Variants in SMAD3 observed in about 807,000 individuals in gnomAD.
SMAD3 encodes SMAD family member 3.
In SMAD3, 12 loss-of-function variants were observed where a neutral mutation model predicts 51.8. The observed-to-expected ratio is 0.23, with a 90% CI of 0.15 to 0.38. The LOEUF (loss-of-function observed/expected upper bound fraction) is 0.38. SMAD3 is among the 10% of genes least tolerant of loss of function. The pLI, the probability that SMAD3 is intolerant of heterozygous loss-of-function variation, is 1.00. For missense variants in SMAD3, 294 were observed against 565.6 expected (o/e 0.52, Z 4.87); for synonymous variants, 238 against 227.7 (o/e 1.05, Z -0.41).
intron 1 of SMAD3, among the ~76,000 whole-genome samples, chr15:67,097,151 T>C (rs773319718): frequency 1.9e-4 from 29 of 152,214 alleles, no homozygotes; most frequent in Non-Finnish European, 3.7e-4. Flanking sequence ...ACTTGGAGGC[T>C]GAATTCTTGG....
At chr15:67,179,834 C>T (rs1403559418) in intron 5 of SMAD3, among the ~76,000 whole-genome samples, 2 of 151,986 alleles carry the variant, frequency 1.3e-5, no homozygotes, top group Non-Finnish European at 1.5e-5. Context: ...GGGAGCGTCT[C>T]CTGTTCCTCC....
rs2140323612 is a variant in SMAD3, at chr15:67,187,442, G to A, written c.1087G>A (p.Val363Ile). 1.2e-6 allele frequency: 2 copies of A among 1,614,182 alleles called. No homozygotes were observed. Among genetic ancestry groups the A allele is most frequent in the Non-Finnish European group, 1.7e-6 (2 of 1,180,012 alleles). ...AQSVNQGFEAVYQLTRMCTIR... is the reference protein window; with the variant it reads ...AQSVNQGFEAIYQLTRMCTIR... The stretch of plus-strand genomic sequence containing the variant: ...GTCGGTCAACCAGGGCTTTGAGGCT[G>A]TCTACCAGTTGACCCGAATGTGCAC... The change falls in exon 8 of 9, where the codon GTC becomes ATC. Residue 363 changes from valine to isoleucine, a missense_variant. Coordinates refer to ENST00000327367, the MANE Select transcript of SMAD3 (RefSeq NM_005902.4).
rs1443339510 is a variant in SMAD3 at position 67,066,246 on chromosome 15, G to C, written c.92G>C (p.Cys31Ser). The C allele has an allele frequency of 5.0e-6, 8 of 1,613,650 alleles. No individual in the cohort carries two copies. Among genetic ancestry groups the C allele is most frequent in the Admixed American group, 1.7e-5 (1 of 59,980 alleles). Residue 31 changes from cysteine (C) to serine (S), a missense_variant, in exon 1 of 9, where the codon TGC (cysteine) becomes TCC (serine). Transcript: ENST00000327367. ...CAGAACGGGCAGGAGGAGAAATGGT[G>C]CGAGAAGGCGGTCAAGAGCCTGGTC... Reference protein sequence around the residue: ...GEQNGQEEKWCEKAVKSLVKK... With the variant: ...GEQNGQEEKWSEKAVKSLVKK...
chr15:67,105,770 C>G (rs576437320), intron 1 of SMAD3, among the ~76,000 whole-genome samples: 6 of 152,306 alleles, frequency 3.9e-5, no homozygotes, highest in Admixed American at 2.0e-4. Flanking sequence ...CCTGAAGCAA[C>G]GCAGGGCCTG....
At chr15:67,088,471 C>T (rs1216113326) in intron 1 of SMAD3, among the ~76,000 whole-genome samples, 1 of 152,180 alleles carries the variant, frequency 6.6e-6, no homozygotes, top group Non-Finnish European at 1.5e-5. Context: ...TGGGAGAAAA[C>T]CTCACAAATG....
rs748990258 is a variant in SMAD3, at chr15:67,066,256, G to T, written c.102G>T (p.Ala34=). 26 of 1,613,622 alleles carry T rather than the reference G, an allele frequency of 1.6e-5. No individual in the cohort carries two copies. Among genetic ancestry groups the T allele is most frequent in the Middle Eastern group, 1.6e-4 (1 of 6,078 alleles). ...AGGAGGAGAAATGGTGCGAGAAGGC[G>T]GTCAAGAGCCTGGTCAAGAAACTCA... The part of the protein sequence containing the change: ...NGQEEKWCEK[A]VKSLVKKLKK... The change falls in exon 1 of 9, where the codon GCG becomes GCT. Residue 34 remains alanine (A), a synonymous_variant. Coordinates refer to ENST00000327367, the MANE Select transcript of SMAD3 (RefSeq NM_005902.4).
intron 1 of SMAD3, chr15:67,125,869 C>G: frequency 1.0e-6 from 1 of 985,416 alleles, no homozygotes; most frequent in East Asian, 1.1e-4. Context: ...TTATTGCCGC[C>G]GCTCGCTTCA....
intron 1 of SMAD3, among the ~76,000 whole-genome samples, chr15:67,071,653 T>C (rs574363893): frequency 7.2e-5 from 11 of 151,978 alleles, no homozygotes; most frequent in Non-Finnish European, 1.3e-4. Flanking sequence ...CTACTAAAAA[T>C]ACAAAAAAAT....
At position 67,190,854 on chromosome 15, in the gene SMAD3, G is replaced by A. The variant is rs79368607; in HGVS notation, c.*318G>A. 348 of 434,526 alleles carry A rather than the reference G, an allele frequency of 8.0e-4. 5 individuals carry two copies. The East Asian group carries it at 0.011, about 14-fold the overall frequency. The allele number at this position is 434,526 out of a possible 1,614,324, so 26.9% of individuals were successfully genotyped here. On this transcript the variant is annotated 3_prime_UTR_variant, in exon 9 of 9. Coordinates refer to ENST00000327367, the MANE Select transcript of SMAD3 (RefSeq NM_005902.4). ...CCCCCTCCCCCCAGACTCTTTTTTT[G>A]AGTGACAGCTTTCTGGGATGTCACA... is the stretch of plus-strand genomic sequence containing the variant.
In SMAD3 at chr15:67,118,130, A is replaced by G. The variant is rs116651037; in HGVS notation, c.207-46765A>G. 9.2e-3 allele frequency among the ~76,000 whole-genome samples: 1,406 copies of G among 152,314 alleles called. 23 individuals are homozygous for G. Among genetic ancestry groups the G allele is most frequent in the African/African-American group, 0.032 (1,337 of 41,566 alleles). ...GAGAGAGTCTGAAATTCATTCTTTC[A>G]ACATGCTTGTGTTGGGTGCTGCCTG... On this transcript the variant is annotated intron_variant, in intron 1 of 8. Transcript: ENST00000327367.
At chr15:67,152,538 A>G (rs928287542) in intron 1 of SMAD3, among the ~76,000 whole-genome samples, 7 of 152,172 alleles carry the variant, frequency 4.6e-5, no homozygotes, top group Non-Finnish European at 7.4e-5. Flanking sequence ...ATGAAAGCTG[A>G]GGTGAAGTCC....
chr15:67,118,657 C>T (rs899730353), intron 1 of SMAD3, among the ~76,000 whole-genome samples: 5 of 152,192 alleles, frequency 3.3e-5, no homozygotes, highest in African/African-American at 1.2e-4. Flanking sequence ...TTTAAAATAG[C>T]TAGGTAAGGC....
At chr15:67,158,943 C>G (rs1487867773) in intron 1 of SMAD3, among the ~76,000 whole-genome samples, 1 of 152,126 alleles carries the variant, frequency 6.6e-6, no homozygotes, top group Non-Finnish European at 1.5e-5. Context: ...CTGCCACTTT[C>G]TGGAATATCT....
chr15:67,162,848 C>G (rs962485278), intron 1 of SMAD3, among the ~76,000 whole-genome samples: 2 of 152,012 alleles, frequency 1.3e-5, no homozygotes, highest in Non-Finnish European at 2.9e-5. Context: ...ATGCCCTGTC[C>G]AGTCCTTCAG....
chr15:67,159,439 A>G (rs1237091484), intron 1 of SMAD3, among the ~76,000 whole-genome samples: 1 of 152,216 alleles, frequency 6.6e-6, no homozygotes, highest in East Asian at 1.9e-4. Context: ...ACAGTTAGCA[A>G]GTACTGAACC....
At chr15:67,087,133 C>T (rs2140210472) in intron 1 of SMAD3, among the ~76,000 whole-genome samples, 1 of 152,186 alleles carries the variant, frequency 6.6e-6, no homozygotes. Flanking sequence ...GGTGATCTGC[C>T]CACCTCAGCC....
chr15:67,108,149 C>T lies in SMAD3; in HGVS notation c.206+41789C>T, dbSNP rs191377485. The stretch of plus-strand genomic sequence containing the variant: ...TCCATCTCCTCTCACTTGGCCTTGC[C>T]CTCGGGGGCTCCGGTAAGAAGCTTT... On this transcript the variant is annotated intron_variant, in intron 1 of 8. Transcript: ENST00000327367. 9.9e-5 allele frequency among the ~76,000 whole-genome samples: 15 copies of T among 152,236 alleles called. No homozygotes were observed. The East Asian group carries it at 2.5e-3, about 25-fold the overall frequency.
chr15:67,136,255 G>C (rs1234921419), intron 1 of SMAD3, among the ~76,000 whole-genome samples: 1 of 152,010 alleles, frequency 6.6e-6, no homozygotes, highest in Non-Finnish European at 1.5e-5. Flanking sequence ...ATACATTAAA[G>C]ATTGTGCCAT....
rs1196723645 is a variant in SMAD3, at chr15:67,165,130, G to T, written c.400+42G>T. On this transcript the variant is annotated intron_variant, in intron 2 of 8. Coordinates refer to ENST00000327367, the MANE Select transcript of SMAD3 (RefSeq NM_005902.4). ...GCCTGTGGGGACAGCAGGTGCCAGG[G>T]GTCATCACCTCTCCCCGGCTCCCCA... 4 of 1,611,282 alleles carry T rather than the reference G, an allele frequency of 2.5e-6. No individual in the cohort carries two copies. In the East Asian group the frequency reaches 8.9e-5, roughly 36 times the overall value.
Sources: allele counts gnomAD v4.1 joint callset (sites outside exome capture counted in the v4.1 genomes callset), GRCh38; gene constraint gnomAD v4.1.1; transcripts MANE v1.5; gene names NCBI Gene and HGNC (gene_info 2026-07-23, HGNC 2026-07-21).